Variants in SNTG1 observed in about 807,000 individuals in gnomAD.
SNTG1 encodes the protein syntrophin gamma 1.
SNTG1 carries 39 observed loss-of-function variants against 74.7 expected under a neutral mutation model. The ratio of observed to expected loss-of-function variants is 0.52; its 90% CI spans 0.40 to 0.68. The LOEUF is 0.68. SNTG1 is among the 30% of genes least tolerant of loss of function. The probability of loss-of-function intolerance (pLI) is 0.00; values close to 1 mark genes in which losing one functional copy is unlikely to be tolerated. For synonymous variants in SNTG1, 254 were observed against 217.1 expected (o/e 1.17, Z -1.49); for missense variants, 685 against 609.5 (o/e 1.12, Z -1.30).
chr8:50,779,436 T>C (rs2131822515), intron 18 of SNTG1, among the ~76,000 whole-genome samples: 1 of 152,284 alleles, frequency 6.6e-6, no homozygotes, highest in African/African-American at 2.4e-5. Context: ...ATAAGGTGGA[T>C]TCCTAGGTAT....
chr8:50,391,713 G>T (rs908498048), intron 2 of SNTG1, among the ~76,000 whole-genome samples: 1 of 151,938 alleles, frequency 6.6e-6, no homozygotes, highest in Non-Finnish European at 1.5e-5. Flanking sequence ...GATTTTTTTG[G>T]TTGGTAGACT....
At chr8:50,781,124 C>G (rs555992353) in intron 18 of SNTG1, among the ~76,000 whole-genome samples, 96 of 152,194 alleles carry the variant, frequency 6.3e-4, no homozygotes, top group South Asian at 6.0e-3. Context: ...TTACTTCCAA[C>G]TATGTGGTCA....
chr8:50,461,381 G>A (rs2131682558), intron 8 of SNTG1, among the ~76,000 whole-genome samples: 1 of 151,878 alleles, frequency 6.6e-6, no homozygotes, highest in East Asian at 1.9e-4. Context: ...ATTTTTTTCT[G>A]TCCAGACTAT....
intron 17 of SNTG1, among the ~76,000 whole-genome samples, chr8:50,737,270 A>G (rs2095531309): frequency 6.6e-6 from 1 of 152,176 alleles, no homozygotes; most frequent in African/African-American, 2.4e-5. Flanking sequence ...ACCAGAGAAT[A>G]CTATAAACAG....
intron 1 of SNTG1, among the ~76,000 whole-genome samples, chr8:50,106,917 C>T (rs554020704): frequency 6.6e-6 from 1 of 152,194 alleles, no homozygotes; most frequent in African/African-American, 2.4e-5. Context: ...TTCATACTGC[C>T]ATAAACAGGT....
chr8:49,944,881 G>A (rs114570909), intron 1 of SNTG1, among the ~76,000 whole-genome samples: 1,958 of 151,480 alleles, frequency 0.013, 44 homozygotes, highest in African/African-American at 0.043. Context: ...TTCATCTCCC[G>A]GGCTCAAGCG....
intron 2 of SNTG1, among the ~76,000 whole-genome samples, chr8:50,249,752 T>C (rs1240274385): frequency 1.3e-5 from 2 of 152,208 alleles, no homozygotes; most frequent in African/African-American, 4.8e-5. Flanking sequence ...AACATGCTAC[T>C]GAGTTCACCC....
At chr8:50,406,582 G>T (rs2092878912) in intron 4 of SNTG1, among the ~76,000 whole-genome samples, 1 of 152,086 alleles carries the variant, frequency 6.6e-6, no homozygotes, top group Non-Finnish European at 1.5e-5. Flanking sequence ...CTGAATAAAA[G>T]TGGTAAAAGC....
At chr8:50,048,991 C>T (rs1166665791) in intron 1 of SNTG1, among the ~76,000 whole-genome samples, 1 of 151,222 alleles carries the variant, frequency 6.6e-6, no homozygotes, top group Non-Finnish European at 1.5e-5. Flanking sequence ...TATTCTAAAC[C>T]ACTCAAAAAA....
At chr8:50,601,321 T>C (rs2094773641) in intron 13 of SNTG1, among the ~76,000 whole-genome samples, 1 of 152,068 alleles carries the variant, frequency 6.6e-6, no homozygotes, top group Non-Finnish European at 1.5e-5. Context: ...TTATGTTGTG[T>C]TTCCATTACC....
intron 10 of SNTG1, 85 bp downstream of exon 10, chr8:50,530,344 A>T: frequency 8.0e-7 from 1 of 1,249,670 alleles, no homozygotes. Context: ...TTTATCTGAC[A>T]GATAGGAAAT....
chr8:50,021,762 C>T (rs1282677662), intron 1 of SNTG1, among the ~76,000 whole-genome samples: 1 of 151,596 alleles, frequency 6.6e-6, no homozygotes, highest in African/African-American at 2.4e-5. Flanking sequence ...ACAGGGAATC[C>T]CCATCTCTAC....
chr8:50,375,055 T>C (rs752160730), intron 2 of SNTG1, among the ~76,000 whole-genome samples: 1 of 152,186 alleles, frequency 6.6e-6, no homozygotes, highest in Non-Finnish European at 1.5e-5. Context: ...TTAAACAACA[T>C]GTGTCTGCAG....
At chr8:50,764,052 AT>A in intron 18 of SNTG1, among the ~76,000 whole-genome samples, 1 of 151,714 alleles carries the variant, frequency 6.6e-6, no homozygotes, top group East Asian at 2.0e-4. Context: ...GATTTTTACA[AT>A]GGCCCCAATA....
In SNTG1 at chr8:50,231,837, A is replaced by G. The variant is rs143970562; in HGVS notation, c.-28+59202A>G. Among the ~76,000 whole-genome samples the G allele has an allele frequency of 2.1e-4, 32 of 151,484 alleles. No homozygotes were observed. In the East Asian group the frequency reaches 6.2e-3, roughly 29 times the overall value. On this transcript the variant is annotated intron_variant, in intron 2 of 18. Coordinates refer to ENST00000642720, the MANE Select transcript of SNTG1 (RefSeq NM_018967.5). ...AATATTGTTAATAACTGAGTACTGT[A>G]CATTTCAGTTTTGCTGAGAGTAAAT...
intron 1 of SNTG1, among the ~76,000 whole-genome samples, chr8:50,113,236 G>A (rs2080674809): frequency 6.6e-6 from 1 of 152,166 alleles, no homozygotes; most frequent in South Asian, 2.1e-4. Context: ...CCATGAGCAT[G>A]GAAAATTCTT....
rs1818643853 is a variant in SNTG1 at position 50,041,561 on chromosome 8, T to C, written c.-103+129330T>C. On this transcript the variant is annotated intron_variant, in intron 1 of 18. Transcript: ENST00000642720. ...TCAGTAGAACTTACGATTGTAAATA[T>C]TTTTTTTCTTCTAAATCATCCTCTT... Among the ~76,000 whole-genome samples the C allele has an allele frequency of 2.0e-5, 3 of 150,402 alleles. No homozygotes were observed. The South Asian group carries it at 6.2e-4, about 31-fold the overall frequency.
intron 1 of SNTG1, among the ~76,000 whole-genome samples, chr8:49,921,111 A>G (rs927322820): frequency 6.6e-6 from 1 of 152,138 alleles, no homozygotes; most frequent in Admixed American, 6.6e-5. Flanking sequence ...AGAGCTACCG[A>G]AGTGGAGATT....
Position 50,515,796 on chromosome 8 carries a change from G to A in SNTG1, c.466+12916G>A, listed in dbSNP as rs1306243365. ...GGGCATCTCTGAAAGAAAGGCAGCAGCCCCAGTCAGGGGCTTATAGATAAA... is the reference window on the plus strand; with the variant it reads ...GGGCATCTCTGAAAGAAAGGCAGCAACCCCAGTCAGGGGCTTATAGATAAA... On this transcript the variant is annotated intron_variant, in intron 9 of 18. Transcript: ENST00000642720. Among the ~76,000 whole-genome samples, 6 of 150,668 alleles carry A rather than the reference G, an allele frequency of 4.0e-5. No individual in the cohort carries two copies. In the South Asian group the frequency reaches 1.3e-3, roughly 32 times the overall value.
Sources: gnomAD v4.1 joint callset for allele counts (sites outside exome capture counted in the v4.1 genomes callset) on GRCh38, gnomAD v4.1.1 for gene constraint, MANE v1.5 for transcripts, NCBI Gene and HGNC (gene_info 2026-07-23, HGNC 2026-07-21) for gene names.